Variants in CPA1 observed in about 807,000 individuals in gnomAD.
The protein encoded by CPA1 is carboxypeptidase A1, also known as carboxypeptidase A1 (pancreatic).
In CPA1, 42 loss-of-function variants were observed where a neutral mutation model predicts 48.7. That is an observed-to-expected ratio of 0.86 (90% CI 0.67 to 1.11). The LOEUF (loss-of-function observed/expected upper bound fraction) is 1.11. CPA1 is among the 50% of genes most tolerant of loss of function. CPA1 has a pLI of 0.00. For missense variants in CPA1, 477 were observed against 544.7 expected (o/e 0.88, Z 1.24); for synonymous variants, 203 against 217.9 (o/e 0.93, Z 0.60).
intron 1 of CPA1, 112 bp from the exon 2 acceptor site, chr7:130,380,986 C>T (rs1325895384): frequency 5.9e-6 from 5 of 841,070 alleles, no homozygotes; most frequent in Admixed American, 2.0e-5. Context: ...GCCCAGAGGA[C>T]GAGGCCCAGT....
chr7:130,385,397 GC>G, intron 8 of CPA1, 52 bp downstream of exon 8: 2 of 1,545,928 alleles, frequency 1.3e-6, no homozygotes, highest in Non-Finnish European at 1.8e-6. Context: ...CTTCGGACAG[GC>G]CCAGGCTTTC....
At position 130,386,713 on chromosome 7, in the gene CPA1, C is replaced by T. The variant is rs576227957; in HGVS notation, c.1072+790C>T. On this transcript the variant is annotated intron_variant, in intron 9 of 9. Coordinates refer to ENST00000011292, the MANE Select transcript of CPA1 (RefSeq NM_001868.4). The stretch of plus-strand genomic sequence containing the variant: ...TATACACCAGGCCCTGTTTCATGTA[C>T]TTGGGATATAGCCATGAATGAAATA... 7.9e-5 allele frequency among the ~76,000 whole-genome samples: 12 copies of T among 152,278 alleles called. No homozygotes were observed. The East Asian group carries it at 2.1e-3, about 27-fold the overall frequency.
At chr7:130,383,581 A>G (rs1452947648) in intron 5 of CPA1, 89 bp downstream of exon 5, 12 of 1,428,516 alleles carry the variant, frequency 8.4e-6, no homozygotes, top group Non-Finnish European at 1.2e-5. Context: ...TTGCCCATCC[A>G]GAAGCAGTGA....
intron 8 of CPA1, 52 bp from the exon 9 acceptor site, chr7:130,385,787 C>A: frequency 6.8e-7 from 1 of 1,477,426 alleles, no homozygotes; most frequent in Non-Finnish European, 9.4e-7. Flanking sequence ...CCTGGACATG[C>A]TGTTCCAGGA....
intron 4 of CPA1, 77 bp from the exon 5 acceptor site, chr7:130,383,314 C>T (rs1306529407): frequency 3.4e-5 from 38 of 1,123,346 alleles, no homozygotes; most frequent in South Asian, 6.5e-5. Flanking sequence ...TGGCCCAGGT[C>T]GGGGTCTCCT....
At chr7:130,381,963 C>T (rs782287180) in intron 3 of CPA1, 100 bp downstream of exon 3, 4 of 1,236,020 alleles carry the variant, frequency 3.2e-6, no homozygotes, top group Non-Finnish European at 4.6e-6. Context: ...TGGGTGTGCG[C>T]AGCGCCTGCT....
chr7:130,381,779 G>C lies in CPA1; in HGVS notation c.297G>C (p.Glu99Asp), dbSNP rs782817808. 1.1e-5 allele frequency: 18 copies of C among 1,614,160 alleles called. No individual in the cohort carries two copies. The highest frequency in any genetic ancestry group is 1.3e-5 in the African/African-American group (1 of 75,048). ...MIEDVQSLLD[E>D]EQEQMFAFRS... ...AGGACGTGCAGTCGCTGCTGGACGA[G>C]GAGCAGGAGCAGATGTTCGCCTTCC... Residue 99 changes from glutamate (E) to aspartate (D), a missense_variant, in exon 3 of 10, where the codon GAG becomes GAC. By Grantham distance (45) the Glu-to-Asp change is conservative. Transcript: ENST00000011292.
chr7:130,383,243 C>G, intron 4 of CPA1, 148 bp from the exon 5 acceptor site: 1 of 720,944 alleles, frequency 1.4e-6, no homozygotes, highest in South Asian at 1.5e-5. Context: ...CCCAAACCCA[C>G]CTGAGTGATG....
chr7:130,382,159 A>G lies in CPA1; in HGVS notation c.433A>G (p.Lys145Glu), dbSNP rs2117501368. Residue 145 changes from lysine to glutamate, a missense_variant, in exon 4 of 10, where the codon AAG (lysine) becomes GAG (glutamate). Coordinates refer to ENST00000011292, the MANE Select transcript of CPA1 (RefSeq NM_001868.4). The part of the protein sequence containing the change: ...LVAENPHLVS[K>E]IQIGNTYEGR... ...GGCGGAGAACCCGCACCTTGTCAGC[A>G]AGATCCAGATTGGCAACACCTATGA... 2 of 1,614,260 alleles carry G rather than the reference A, an allele frequency of 1.2e-6. No individual in the cohort carries two copies. The highest frequency in any genetic ancestry group is 4.5e-5 in the East Asian group (2 of 44,892).
chr7:130,383,981 G>C (rs1468605686), intron 6 of CPA1, 187 bp downstream of exon 6: 3 of 615,168 alleles, frequency 4.9e-6, no homozygotes, highest in Non-Finnish European at 8.8e-6. Flanking sequence ...TTGTCATGGG[G>C]GCTGTCCTGT....
chr7:130,384,132 C>T, intron 6 of CPA1: 1 of 439,562 alleles, frequency 2.3e-6, no homozygotes, highest in South Asian at 2.8e-5. Context: ...CCAGTGGAGG[C>T]CCACTGCCCC....
chr7:130,381,315 T>G lies in CPA1; in HGVS notation c.147+136T>G. ...GGAATTGACTCTGTTAGGAAGCGAC[T>G]TCAAGCCCCCAGCTCCAGAGCCTTG... is the stretch of plus-strand genomic sequence containing the variant. On this transcript the variant is annotated intron_variant, in intron 2 of 9. Coordinates refer to ENST00000011292, the MANE Select transcript of CPA1 (RefSeq NM_001868.4). The G allele has an allele frequency of 4.5e-6, 3 of 661,854 alleles. No homozygotes were observed. The South Asian group carries it at 5.8e-5, about 13-fold the overall frequency. 41.0% of individuals were successfully genotyped at this position (661,854 alleles called of 1,614,324 possible).
rs1337652838 is a variant in CPA1 at position 130,380,953 on chromosome 7, C to A, written c.66-145C>A. ...GAGCCCAGGCCTCTCCTTGTTGAGA[C>A]CCTTGGTGCTGTCCCCTGCCCAGCC... On this transcript the variant is annotated intron_variant, in intron 1 of 9. Coordinates refer to ENST00000011292, the MANE Select transcript of CPA1 (RefSeq NM_001868.4). 10 of 693,826 alleles carry A rather than the reference C, an allele frequency of 1.4e-5. No individual in the cohort carries two copies. The African/African-American group carries it at 1.6e-4, about 11-fold the overall frequency. 43.0% of individuals were successfully genotyped at this position (693,826 alleles called of 1,614,324 possible). A position where few individuals can be genotyped will look rare whatever the true frequency, so the allele number is the denominator to read the frequency against.
chr7:130,386,945 G>A (rs1221283256), intron 9 of CPA1, among the ~76,000 whole-genome samples: 1 of 152,218 alleles, frequency 6.6e-6, no homozygotes, highest in Admixed American at 6.5e-5. Flanking sequence ...ACTATTGAAG[G>A]AAGTGGGTGG....
chr7:130,386,692 C>T (rs968853996), intron 9 of CPA1, among the ~76,000 whole-genome samples: 2 of 152,178 alleles, frequency 1.3e-5, no homozygotes, highest in African/African-American at 2.4e-5. Context: ...ACCTACTATA[C>T]ACCAGGCCCT....
chr7:130,382,457 G>A (rs1172710950), intron 4 of CPA1, among the ~76,000 whole-genome samples: 1 of 151,978 alleles, frequency 6.6e-6, no homozygotes, highest in Non-Finnish European at 1.5e-5. Context: ...GTAGAGTCTG[G>A]GTAGTCCAGA....
At chr7:130,385,459 T>G (rs1796463188) in intron 8 of CPA1, 114 bp downstream of exon 8, 14 of 946,872 alleles carry the variant, frequency 1.5e-5, no homozygotes, top group Non-Finnish European at 2.3e-5. Context: ...CCTGACACCC[T>G]TCCTTCCCTG....
Position 130,381,612 on chromosome 7 carries a change from G to A in CPA1, c.148-18G>A, listed in dbSNP as rs376743118. On this transcript the variant is annotated intron_variant, in intron 2 of 9. Transcript: ENST00000011292. ...GCCCCCAGCCCGCTGTGACCGTGCCGGCTCTTGTCCTCCCCAGCTGGACTT... is the reference window on the plus strand; with the variant it reads ...GCCCCCAGCCCGCTGTGACCGTGCCAGCTCTTGTCCTCCCCAGCTGGACTT... 1.2e-5 allele frequency: 20 copies of A among 1,603,436 alleles called. No individual in the cohort carries two copies. In the South Asian group the frequency reaches 1.8e-4, roughly 14 times the overall value.
chr7:130,381,330 C>A lies in CPA1; in HGVS notation c.147+151C>A. 1.2e-5 allele frequency: 8 copies of A among 644,488 alleles called. No homozygotes were observed. The South Asian group carries it at 1.6e-4, about 13-fold the overall frequency. The allele number at this position is 644,488 out of a possible 1,614,324, so 39.9% of individuals were successfully genotyped here. A position where few individuals can be genotyped will look rare whatever the true frequency, so the allele number is the denominator to read the frequency against. On this transcript the variant is annotated intron_variant, in intron 2 of 9. Transcript: ENST00000011292. Reference sequence around the variant, plus strand: ...AGGAAGCGACTTCAAGCCCCCAGCTCCAGAGCCTTGCTGCCCTTGAGCACC... The same window carrying A: ...AGGAAGCGACTTCAAGCCCCCAGCTACAGAGCCTTGCTGCCCTTGAGCACC...
Sources: allele counts gnomAD v4.1 joint callset (sites outside exome capture counted in the v4.1 genomes callset), GRCh38; gene constraint gnomAD v4.1.1; transcripts MANE v1.5; gene names NCBI Gene and HGNC (gene_info 2026-07-23, HGNC 2026-07-21).